HNRNPK: variants seen among roughly 807,000 people sequenced by gnomAD.
The protein encoded by HNRNPK is dC-stretch binding protein.
A neutral mutation model predicts 67.0 loss-of-function variants in HNRNPK; 7 were observed. The ratio of observed to expected loss-of-function variants is 0.10; its 90% confidence interval spans 0.06 to 0.20. The LOEUF is 0.20. Among genes scored for constraint, HNRNPK ranks in the 10% least tolerant of loss-of-function variants. The probability of loss-of-function intolerance (pLI) is 1.00; values close to 1 mark genes in which losing one functional copy is unlikely to be tolerated. For missense variants in HNRNPK, 264 were observed against 606.5 expected (o/e 0.44, Z 5.93); for synonymous variants, 213 against 193.7 (o/e 1.10, Z -0.83).
At chr9:83,975,175 AAGAC>A (rs776877578) in intron 6 of HNRNPK, among the ~76,000 whole-genome samples, 8 of 152,228 alleles carry the variant, frequency 5.3e-5, no homozygotes, top group Non-Finnish European at 8.8e-5. Flanking sequence ...GTGGGCCACA[AAGAC>A]AGAGCGAGAG....
At chr9:83,977,087 T>A (rs1275244580) in intron 4 of HNRNPK, 36 bp from the exon 5 acceptor site, 5 of 1,521,576 alleles carry the variant, frequency 3.3e-6, no homozygotes, top group African/African-American at 1.4e-5. Context: ...TTATTTTGCC[T>A]TTCCCTAAAA....
Position 83,971,865 on chromosome 9 carries a change from C to CAAA in HNRNPK, c.953+14_953+16dup, listed in dbSNP as rs544151579. The CAAA allele has an allele frequency of 3.2e-6, 5 of 1,550,282 alleles. No homozygotes were observed. In the South Asian group the frequency reaches 6.1e-5, roughly 19 times the overall value. On this transcript the variant is annotated intron_variant, in intron 11 of 16. Coordinates refer to ENST00000376263, the MANE Select transcript of HNRNPK (RefSeq NM_031263.4). ...ATGGGGGAAGAAAAAACAACAACAA[C>CAAA]AAAAAAAACAACTTACCCCCCTCTA...
In HNRNPK at chr9:83,968,105, T is replaced by C. The variant is rs2132999769; in HGVS notation, c.*1302A>G. The C allele has an allele frequency of 6.5e-6, 1 of 152,708 alleles. No homozygotes were observed. Among genetic ancestry groups the C allele is most frequent in the African/African-American group, 2.4e-5 (1 of 41,584 alleles). 9.5% of individuals were successfully genotyped at this position (152,708 alleles called of 1,614,324 possible). ...AAATACATAAGATTACTATATTTCC[T>C]TTTAAGAGGAACGTTTCAACAAATT... On this transcript the variant is annotated 3_prime_UTR_variant, in exon 17 of 17. Coordinates refer to ENST00000376263, the MANE Select transcript of HNRNPK (RefSeq NM_031263.4).
chr9:83,969,914 G>A, intron 16 of HNRNPK: 1 of 627,788 alleles, frequency 1.6e-6, no homozygotes, highest in Admixed American at 2.1e-5. Context: ...GGTTTTGGCA[G>A]CAGTTTTCAC....
chr9:83,970,435 T>A, intron 15 of HNRNPK, 104 bp from the exon 16 acceptor site: 1 of 895,350 alleles, frequency 1.1e-6, no homozygotes, highest in Non-Finnish European at 1.7e-6. Context: ...TTCAGAATCT[T>A]AACTGATGAT....
At position 83,971,147 on chromosome 9, in the gene HNRNPK, G is replaced by C; in HGVS notation, c.1092+126C>G. 7 of 835,872 alleles carry C rather than the reference G, an allele frequency of 8.4e-6. No individual in the cohort carries two copies. In the South Asian group the frequency reaches 9.8e-5, roughly 12 times the overall value. 51.8% of individuals were successfully genotyped at this position (835,872 alleles called of 1,614,324 possible). ...TTTAATCTCATAAAATCCCTCTTCAGGAAACCAAAGTCCTCCTGTATCCTA... is the reference window on the plus strand; with the variant it reads ...TTTAATCTCATAAAATCCCTCTTCACGAAACCAAAGTCCTCCTGTATCCTA... On this transcript the variant is annotated intron_variant, in intron 13 of 16. Coordinates refer to ENST00000376263, the MANE Select transcript of HNRNPK (RefSeq NM_031263.4).
chr9:83,973,458 T>G (rs1014778430), intron 8 of HNRNPK, 59 bp from the exon 9 acceptor site: 3 of 904,216 alleles, frequency 3.3e-6, no homozygotes, highest in Non-Finnish European at 5.6e-6. Flanking sequence ...AATACACACT[T>G]ATCTGCTATA....
intron 6 of HNRNPK, 141 bp from the exon 7 acceptor site, chr9:83,974,730 T>C (rs1412967340): frequency 1.6e-6 from 1 of 611,040 alleles, no homozygotes; most frequent in Non-Finnish European, 2.9e-6. Flanking sequence ...GTAGCCTATT[T>C]ATAGATTTCT....
chr9:83,971,252 C>A, intron 13 of HNRNPK, 21 bp downstream of exon 13: 1 of 1,498,698 alleles, frequency 6.7e-7, no homozygotes, highest in Non-Finnish European at 9.3e-7. Context: ...GATATACACA[C>A]GAACAACTAT....
chr9:83,977,865 G>A (rs1957142113), intron 3 of HNRNPK, 79 bp from the exon 4 acceptor site: 1 of 879,334 alleles, frequency 1.1e-6, no homozygotes, highest in Non-Finnish European at 1.8e-6. Flanking sequence ...GAGACTTGTT[G>A]CTAATCTTAG....
intron 11 of HNRNPK, 29 bp downstream of exon 11, chr9:83,971,853 A>C (rs761993593): frequency 3.7e-4 from 580 of 1,558,706 alleles, no homozygotes; most frequent in Non-Finnish European, 4.6e-4. Flanking sequence ...GGGGAAGAAA[A>C]AACAACAACA....
intron 6 of HNRNPK, among the ~76,000 whole-genome samples, chr9:83,975,013 C>G (rs1244488661): frequency 1.3e-5 from 2 of 152,132 alleles, no homozygotes; most frequent in Non-Finnish European, 2.9e-5. Context: ...TTATGAATAC[C>G]AGTTAGAAAT....
intron 13 of HNRNPK, 65 bp downstream of exon 13, chr9:83,971,208 A>T: frequency 9.1e-7 from 1 of 1,104,558 alleles, no homozygotes; most frequent in Non-Finnish European, 1.4e-6. Flanking sequence ...TAAAAAACTT[A>T]CTGGAGAGCA....
rs576600467 is a variant in HNRNPK, at chr9:83,968,583, G to A, written c.*824C>T. The A allele has an allele frequency of 1.4e-4, 21 of 152,580 alleles. No homozygotes were observed. The highest frequency in any genetic ancestry group is 4.8e-4 in the African/African-American group (20 of 41,482). 9.5% of individuals were successfully genotyped at this position (152,580 alleles called of 1,614,324 possible). A position where few individuals can be genotyped will look rare whatever the true frequency, so the allele number is the denominator to read the frequency against. ...ATACCATTACTCAACTTGTAGTACT[G>A]CTCCCCACCTTAGTTCTTCACAACT... On this transcript the variant is annotated 3_prime_UTR_variant, in exon 17 of 17. Transcript: ENST00000376263.
In HNRNPK at chr9:83,968,433, TTAAGTC is replaced by T. The variant is rs1956675994; in HGVS notation, c.*968_*973del. 1 of 152,610 alleles carries T rather than the reference TTAAGTC, an allele frequency of 6.6e-6. No homozygotes were observed. Among genetic ancestry groups the T allele is most frequent in the Non-Finnish European group, 1.5e-5 (1 of 68,038 alleles). 9.5% of individuals were successfully genotyped at this position (152,610 alleles called of 1,614,324 possible). A position where few individuals can be genotyped will look rare whatever the true frequency, so the allele number is the denominator to read the frequency against. On this transcript the variant is annotated 3_prime_UTR_variant, in exon 17 of 17. Coordinates refer to ENST00000376263, the MANE Select transcript of HNRNPK (RefSeq NM_031263.4). ...TAAGACACTAGAGCAAATTGACAGT[TTAAGTC>T]TATAGGTGAGAAATTATCTAATAAA...
rs1055787440 is a variant in HNRNPK at position 83,977,634 on chromosome 9, T to A, written c.156+55A>T. ...ACTTTCTAGAAAGCCAAACCAGACCTTAATTTCTACCTGAGTATGAACCAC... is the reference window on the plus strand; with the variant it reads ...ACTTTCTAGAAAGCCAAACCAGACCATAATTTCTACCTGAGTATGAACCAC... On this transcript the variant is annotated intron_variant, in intron 4 of 16. Coordinates refer to ENST00000376263, the MANE Select transcript of HNRNPK (RefSeq NM_031263.4). The A allele has an allele frequency of 4.5e-5, 47 of 1,055,458 alleles. No individual in the cohort carries two copies. The East Asian group carries it at 1.1e-3, about 25-fold the overall frequency. 65.4% of individuals were successfully genotyped at this position (1,055,458 alleles called of 1,614,324 possible). A position where few individuals can be genotyped will look rare whatever the true frequency, so the allele number is the denominator to read the frequency against.
intron 5 of HNRNPK, chr9:83,975,826 C>T (rs1957042215): frequency 5.7e-6 from 2 of 349,352 alleles, no homozygotes; most frequent in African/African-American, 4.0e-5. Flanking sequence ...AAGACTAACA[C>T]AATAATGGAC....
At position 83,972,889 on chromosome 9, in the gene HNRNPK, A is replaced by G. The variant is rs751465909; in HGVS notation, c.600T>C (p.Asp200=). ...TGATCTTTATGCACTCTACAACCCT[A>G]TCGGGTTTTCCTCCAATAAGAACAA... is the stretch of plus-strand genomic sequence containing the variant. ...DRVVLIGGKP[D]RVVECIKIIL... is the part of the protein sequence containing the mutation. The change falls in exon 10 of 17, where the codon GAT becomes GAC. Residue 200 remains aspartate, a synonymous_variant. Coordinates refer to ENST00000376263, the MANE Select transcript of HNRNPK (RefSeq NM_031263.4). The G allele has an allele frequency of 5.2e-5, 83 of 1,609,786 alleles. No individual in the cohort carries two copies. Among genetic ancestry groups the G allele is most frequent in the Non-Finnish European group, 6.6e-5 (78 of 1,177,616 alleles).
intron 10 of HNRNPK, 104 bp downstream of exon 10, chr9:83,972,740 G>T: frequency 1.3e-6 from 1 of 778,086 alleles, no homozygotes; most frequent in Non-Finnish European, 2.0e-6. Context: ...GCTAGGGAAA[G>T]GGCAAATAAA....
Sources: allele counts gnomAD v4.1 joint callset (sites outside exome capture counted in the v4.1 genomes callset), GRCh38; gene constraint gnomAD v4.1.1; transcripts MANE v1.5; gene names NCBI Gene and HGNC (gene_info 2026-07-23, HGNC 2026-07-21).